The following GPHN variants were observed in gnomAD, a reference collection of about 807,000 sequenced individuals.
GPHN encodes the protein gephyrin.
A neutral mutation model predicts 95.5 loss-of-function variants in GPHN; 17 were observed. The observed-to-expected ratio is 0.18, with a 90% CI of 0.12 to 0.27. The LOEUF is 0.27. Among genes scored for constraint, GPHN ranks in the 10% least tolerant of loss-of-function variants. The pLI, the probability that GPHN is intolerant of heterozygous loss-of-function variation, is 1.00. For synonymous variants in GPHN, 320 were observed against 322.5 expected, an observed-to-expected ratio of 0.99 and a Z score of 0.08; for missense variants, 660 against 978.1, an observed-to-expected ratio of 0.67 and a Z score of 4.34.
chr14:67,625,680 CAAAA>C, the GPHN span, among the ~76,000 whole-genome samples: 21 of 32,118 alleles, frequency 6.5e-4, no homozygotes, highest in African/African-American at 2.2e-3. Flanking sequence ...AACTCCATCT[CAAAA>C]AAAAAAAAAA....
chr14:67,230,035 T>A, the GPHN span, among the ~76,000 whole-genome samples: 3 of 152,336 alleles, frequency 2.0e-5, no homozygotes, highest in South Asian at 6.2e-4. Flanking sequence ...GGTATATACG[T>A]AAACCAACAG....
chr14:66,560,970 A>G (rs888684204), intron 1 of GPHN, among the ~76,000 whole-genome samples: 2 of 152,100 alleles, frequency 1.3e-5, no homozygotes, highest in Admixed American at 1.3e-4. Context: ...GAATTTTGTC[A>G]AAGGCCTTTT....
At chr14:66,649,658 G>A (rs1026969550) in intron 1 of GPHN, among the ~76,000 whole-genome samples, 6 of 152,150 alleles carry the variant, frequency 3.9e-5, no homozygotes, top group South Asian at 2.1e-4. Flanking sequence ...TGATGCTAGC[G>A]CTGGGGAACA....
Position 67,143,402 on chromosome 14 carries a change from C to A in GPHN, c.1789C>A (p.Arg597Ser). ...CAATGCCTTGAATGAGGGTATCAGTCGTGCTGATGTCATCATCACATCAGG... is the reference window on the plus strand; with the variant it reads ...CAATGCCTTGAATGAGGGTATCAGTAGTGCTGATGTCATCATCACATCAGG... Reference protein sequence around the residue: ...LLNALNEGISRADVIITSGGV... With the variant: ...LLNALNEGISSADVIITSGGV... The change falls in exon 18 of 23, where the codon CGT (arginine) becomes AGT (serine). Residue 597 changes from arginine (R) to serine (S), a missense_variant. This residue lies in a region of GPHN where 257 missense variants were observed against 376.2 expected (regional missense o/e 0.68). Transcript: ENST00000478722. 2 of 1,611,068 alleles carry A rather than the reference C, an allele frequency of 1.2e-6. No homozygotes were observed. Among genetic ancestry groups the A allele is most frequent in the South Asian group, 2.2e-5 (2 of 90,962 alleles).
chr14:66,965,828 A>G (rs1158888923), intron 9 of GPHN, among the ~76,000 whole-genome samples: 1 of 152,084 alleles, frequency 6.6e-6, no homozygotes, highest in Non-Finnish European at 1.5e-5. Context: ...TAAATTTATT[A>G]GAAAGAAAGT....
chr14:66,942,022 T>A (rs2067457273), intron 8 of GPHN, among the ~76,000 whole-genome samples: 2 of 152,210 alleles, frequency 1.3e-5, no homozygotes, highest in African/African-American at 4.8e-5. Context: ...GTTTACTTGT[T>A]TGTTTTGAGA....
the GPHN span, among the ~76,000 whole-genome samples, chr14:67,428,273 C>T: frequency 3.3e-5 from 5 of 152,306 alleles, no homozygotes; most frequent in African/African-American, 1.2e-4. Flanking sequence ...CAGCTGGGCA[C>T]ACCTCTGACT....
chr14:67,128,411 C>T (rs911224551), intron 17 of GPHN, among the ~76,000 whole-genome samples: 4 of 152,084 alleles, frequency 2.6e-5, no homozygotes, highest in African/African-American at 7.2e-5. Flanking sequence ...CACCCACCAC[C>T]GTGCCCGGCT....
the GPHN span, among the ~76,000 whole-genome samples, chr14:67,516,131 C>T: frequency 6.6e-6 from 1 of 152,198 alleles, no homozygotes; most frequent in African/African-American, 2.4e-5. Flanking sequence ...GAGACAGGCC[C>T]CTTGGACTGG....
At chr14:67,590,328 C>T in the GPHN span, among the ~76,000 whole-genome samples, 13 of 150,362 alleles carry the variant, frequency 8.6e-5, no homozygotes, top group Admixed American at 6.7e-4. Flanking sequence ...TCTCGGCTCA[C>T]TGCAACCTCC....
At chr14:67,604,816 T>C in the GPHN span, among the ~76,000 whole-genome samples, 70 of 152,332 alleles carry the variant, frequency 4.6e-4, no homozygotes, top group African/African-American at 1.6e-3. Flanking sequence ...TAATTTTTGT[T>C]TGTAGAGGTT....
chr14:67,661,300 G>GTTT, the GPHN span, among the ~76,000 whole-genome samples: 1 of 86,742 alleles, frequency 1.2e-5, no homozygotes, highest in Non-Finnish European at 2.5e-5. Context: ...AAAAAAAAAA[G>GTTT]TTTTTTTTTT....
chr14:67,467,961 C>A, the GPHN span: 1 of 151,750 alleles, frequency 6.6e-6, no homozygotes, highest in Admixed American at 6.6e-5. Context: ...AGCCTGGGAA[C>A]CACAACTGCT....
chr14:67,049,238 G>A (rs938967849), intron 10 of GPHN, among the ~76,000 whole-genome samples: 2 of 151,836 alleles, frequency 1.3e-5, no homozygotes, highest in Non-Finnish European at 2.9e-5. Flanking sequence ...TGTTGTTGTT[G>A]TTGTTTTGAG....
the GPHN span, among the ~76,000 whole-genome samples, chr14:67,411,214 T>C: frequency 1.3e-5 from 2 of 152,050 alleles, no homozygotes; most frequent in Admixed American, 1.3e-4. Flanking sequence ...GCTGCTCTTT[T>C]GTTCATCTTC....
intron 4 of GPHN, among the ~76,000 whole-genome samples, chr14:66,876,558 TG>T (rs2063673475): frequency 6.6e-6 from 1 of 151,930 alleles, no homozygotes; most frequent in African/African-American, 2.4e-5. Flanking sequence ...AAATGATAAA[TG>T]GGATATCACA....
chr14:67,105,221 T>G (rs1353264109), intron 13 of GPHN, among the ~76,000 whole-genome samples: 2 of 152,274 alleles, frequency 1.3e-5, no homozygotes, highest in East Asian at 3.9e-4. Flanking sequence ...TTTAGTTCTT[T>G]TAAATTTGTT....
At chr14:67,166,584 C>T (rs1182406857) in intron 20 of GPHN, among the ~76,000 whole-genome samples, 1 of 152,206 alleles carries the variant, frequency 6.6e-6, no homozygotes, top group Non-Finnish European at 1.5e-5. Context: ...GTAGAATGTG[C>T]AAAGTGGTTC....
intron 4 of GPHN, among the ~76,000 whole-genome samples, chr14:66,825,775 C>T (rs1247678201): frequency 6.6e-6 from 1 of 152,086 alleles, no homozygotes; most frequent in Admixed American, 6.6e-5. Flanking sequence ...AAAATCGAGT[C>T]GTATTGAGAG....
Sources: gnomAD v4.1 joint callset for allele counts (sites outside exome capture counted in the v4.1 genomes callset) on GRCh38, gnomAD v4.1.1 for gene constraint, gnomAD v4.1.1 regional missense constraint, MANE v1.5 for transcripts, NCBI Gene and HGNC (gene_info 2026-07-23, HGNC 2026-07-21) for gene names.